The following CHEK1 variants were observed in gnomAD, a reference collection of about 807,000 sequenced individuals.
CHEK1 encodes the protein checkpoint kinase 1.
Under a neutral mutation model 60.2 loss-of-function variants are expected in CHEK1, and 32 were observed. That is an observed-to-expected ratio of 0.53 (90% CI 0.40 to 0.71). The LOEUF (loss-of-function observed/expected upper bound fraction) is 0.71, where lower values mean the gene tolerates loss of function less well. CHEK1 is among the 30% of genes least tolerant of loss of function. The pLI is 0.00. For missense variants in CHEK1, 399 were observed against 564.6 expected (o/e 0.71, Z 2.97); for synonymous variants, 179 against 187.2 (o/e 0.96, Z 0.36).
At position 125,653,875 on chromosome 11, in the gene CHEK1, C is replaced by T; in HGVS notation, c.1335+28C>T. The T allele has an allele frequency of 7.8e-7, 1 of 1,283,132 alleles. No homozygotes were observed. Among genetic ancestry groups the T allele is most frequent in the Non-Finnish European group, 1.1e-6 (1 of 912,676 alleles). The allele number at this position is 1,283,132 out of a possible 1,614,324, so 79.5% of individuals were successfully genotyped here. The stretch of plus-strand genomic sequence containing the variant: ...ATTTTTATGTTTTATTGTATTCTTT[C>T]TATGGAAATATTTCTATATGAATTT... On this transcript the variant is annotated intron_variant, in intron 12 of 12. Coordinates refer to ENST00000438015, the MANE Select transcript of CHEK1 (RefSeq NM_001114122.3). The surrounding 1 kb of genome is among the most constrained non-coding windows in gnomAD (Gnocchi z 4.3).
intron 7 of CHEK1, 103 bp downstream of exon 7, chr11:125,635,636 T>A (rs1233156165): frequency 1.4e-6 from 1 of 691,484 alleles, no homozygotes; most frequent in African/African-American, 1.9e-5. Flanking sequence ...AACTTACAAA[T>A]AATTCATGTT....
intron 8 of CHEK1, among the ~76,000 whole-genome samples, chr11:125,642,475 G>A (rs1941344140): frequency 6.6e-6 from 1 of 151,992 alleles, no homozygotes; most frequent in Non-Finnish European, 1.5e-5. Context: ...CTAGAATAAT[G>A]CCTGGCACAG....
Position 125,644,513 on chromosome 11 carries a change from AC to A in CHEK1, c.1107del (p.Trp370GlyfsTer8), listed in dbSNP as rs752991703. On this transcript the variant is annotated frameshift_variant and splice_region_variant, in exon 11 of 13. Transcript: ENST00000438015. LOFTEE classifies it high-confidence loss of function. ...ATTTGTCTTCTGTTTGACATGTAGA[AC>A]CCCTGGCAGCGGTTGGTCAAAAGAA... ...QLLGTPGSSQ[N>X]PWQRLVKRMT... 1 of 1,613,602 alleles carries A rather than the reference AC, an allele frequency of 6.2e-7. No individual in the cohort carries two copies. The highest frequency in any genetic ancestry group is 1.1e-5 in the South Asian group (1 of 90,974).
At chr11:125,626,404 C>CCG in intron 1 of CHEK1, 1 of 427,990 alleles carries the variant, frequency 2.3e-6, no homozygotes, top group South Asian at 3.7e-5. Context: ...TATCCTCTTC[C>CCG]TCTCTTCCCC....
At chr11:125,678,060 T>C, downstream of CHEK1, 1 of 1,614,204 alleles carries the variant, frequency 6.2e-7, no homozygotes. Flanking sequence ...CGCAGCGGGC[T>C]CACCTGAAGC....
At chr11:125,663,209 G>C (rs568626078) in intron 13 of CHEK1, among the ~76,000 whole-genome samples, 1 of 151,102 alleles carries the variant, frequency 6.6e-6, no homozygotes, top group South Asian at 2.1e-4. Flanking sequence ...TTATAGGGCA[G>C]AAGTTTTTAA....
chr11:125,633,139 T>C lies in CHEK1; in HGVS notation c.425-24T>C, dbSNP rs112895955. 1.4e-5 allele frequency: 21 copies of C among 1,547,130 alleles called. 1 individual carries two copies. The African/African-American group carries it at 1.6e-4, about 11-fold the overall frequency. On this transcript the variant is annotated intron_variant, in intron 5 of 12. Transcript: ENST00000438015. ...ATTTGCAAAACATTTTTATTCAGTG[T>C]CATCTTTTTTTCTTTTGGTTTAGAT...
chr11:125,670,213 A>G (rs866669927), intron 13 of CHEK1, among the ~76,000 whole-genome samples: 4 of 152,208 alleles, frequency 2.6e-5, no homozygotes, highest in Middle Eastern at 3.2e-3. Context: ...GTATCTGTGT[A>G]AGATTCATTG....
chr11:125,662,284 C>T (rs569311875), intron 13 of CHEK1, among the ~76,000 whole-genome samples: 1 of 151,686 alleles, frequency 6.6e-6, no homozygotes, highest in South Asian at 2.1e-4. Flanking sequence ...TTACTGTGTC[C>T]CCACATAGTG....
At chr11:125,677,922 T>C (rs370935297), downstream of CHEK1, 7 of 1,614,058 alleles carry the variant, frequency 4.3e-6, no homozygotes, top group Non-Finnish European at 5.9e-6. Context: ...ACCTGAAGGC[T>C]GTTCATCTGA....
downstream of CHEK1, among the ~76,000 whole-genome samples, chr11:125,657,676 T>TTG (rs1165263499): frequency 6.6e-6 from 1 of 152,192 alleles, no homozygotes; most frequent in Non-Finnish European, 1.5e-5. Flanking sequence ...TTGAATTCAT[T>TTG]AATTTTAATT....
At chr11:125,626,457 A>T (rs1940615407) in intron 1 of CHEK1, 2 of 463,808 alleles carry the variant, frequency 4.3e-6, no homozygotes. Flanking sequence ...CGTTCGCCGG[A>T]AAGCATTTGT....
At chr11:125,666,493 T>G (rs2134091919) in intron 13 of CHEK1, among the ~76,000 whole-genome samples, 1 of 152,320 alleles carries the variant, frequency 6.6e-6, no homozygotes, top group African/African-American at 2.4e-5. Flanking sequence ...GGATGAAATG[T>G]TCTATAAATG....
At chr11:125,659,968 T>C (rs1346009175), downstream of CHEK1, among the ~76,000 whole-genome samples, 1 of 152,246 alleles carries the variant, frequency 6.6e-6, no homozygotes, top group South Asian at 2.1e-4. Context: ...GGATAATACA[T>C]GTGTGGCTTC....
In CHEK1 at chr11:125,637,465, C is replaced by T. The variant is rs749108572; in HGVS notation, c.735C>T (p.Ile245=). 60 of 1,605,126 alleles carry T rather than the reference C, an allele frequency of 3.7e-5. No homozygotes were observed. The highest frequency in any genetic ancestry group is 1.6e-4 in the Middle Eastern group (1 of 6,064). ...DSAPLALLHK[I]LVENPSARIT... ...TGTTTTTAGCTCTGCTGCATAAAAT[C>T]TTAGTTGAGAATCCATCAGCAAGAA... Residue 245 remains isoleucine, a synonymous_variant, in exon 8 of 13, where the codon ATC becomes ATT. Coordinates refer to ENST00000438015, the MANE Select transcript of CHEK1 (RefSeq NM_001114122.3).
downstream of CHEK1, chr11:125,678,267 C>T: frequency 6.2e-7 from 1 of 1,613,986 alleles, no homozygotes. Context: ...ATCTATGGAG[C>T]CAGAAAGCTC....
downstream of CHEK1, chr11:125,678,316 A>C (rs372086695): frequency 5.6e-6 from 9 of 1,609,502 alleles, no homozygotes; most frequent in Non-Finnish European, 7.6e-6. Context: ...GAGAAGGAAC[A>C]GAAGAGAGTT....
intron 7 of CHEK1, among the ~76,000 whole-genome samples, chr11:125,637,029 A>G (rs866538007): frequency 1.8e-4 from 28 of 152,196 alleles, no homozygotes; most frequent in Non-Finnish European, 1.6e-4. Context: ...TAGGATGGTT[A>G]GTTAGATTAC....
downstream of CHEK1, among the ~76,000 whole-genome samples, chr11:125,678,975 A>ATTT (rs1491273537): frequency 8.5e-5 from 3 of 35,366 alleles, no homozygotes; most frequent in African/African-American, 3.4e-4. Flanking sequence ...AAGTCTAGGC[A>ATTT]TATTATATAT....
Sources: allele counts gnomAD v4.1 joint callset (sites outside exome capture counted in the v4.1 genomes callset), GRCh38; gene constraint gnomAD v4.1.1; non-coding constraint Gnocchi (gnomAD v3.1); transcripts MANE v1.5; gene names NCBI Gene and HGNC (gene_info 2026-07-23, HGNC 2026-07-21).